The following CCDC7 variants were observed in gnomAD, a reference collection of about 807,000 sequenced individuals.
The protein encoded by CCDC7 is coiled-coil domain containing 7.
Under a neutral mutation model 196.9 loss-of-function variants are expected in CCDC7, and 183 were observed. The observed-to-expected ratio is 0.93, with a 90% CI of 0.82 to 1.05. The LOEUF (loss-of-function observed/expected upper bound fraction) is 1.05. CCDC7 is among the 50% of genes least tolerant of loss of function. The pLI is 0.00. For synonymous variants in CCDC7, 525 were observed against 484.6 expected (o/e 1.08, Z -1.10); for missense variants, 1,540 against 1,482.2 (o/e 1.04, Z -0.64).
At chr10:32,572,866 CTTTTT>C (rs576270039) in intron 16 of CCDC7, among the ~76,000 whole-genome samples, 26 of 90,384 alleles carry the variant, frequency 2.9e-4, no homozygotes, top group East Asian at 2.3e-3. Flanking sequence ...AAGCATGGTG[CTTTTT>C]TTTTTTTTTT....
At chr10:32,577,375 A>G (rs529783605) in intron 16 of CCDC7, among the ~76,000 whole-genome samples, 88 of 152,128 alleles carry the variant, frequency 5.8e-4, no homozygotes, top group Middle Eastern at 3.4e-3. Context: ...TAAAATAAAG[A>G]GTTCTGTCCT....
intron 28 of CCDC7, among the ~76,000 whole-genome samples, chr10:32,754,830 C>T (rs370027188): frequency 6.6e-6 from 1 of 152,102 alleles, no homozygotes; most frequent in Non-Finnish European, 1.5e-5. Flanking sequence ...ACTGCCTCAC[C>T]CAGGAAGTGC....
chr10:32,700,533 T>G (rs564218939), intron 24 of CCDC7, among the ~76,000 whole-genome samples: 3 of 152,330 alleles, frequency 2.0e-5, no homozygotes, highest in Middle Eastern at 6.8e-3. Context: ...GACTTGGCGA[T>G]GCGGGCTCCT....
At chr10:32,693,999 A>G (rs989171085) in intron 23 of CCDC7, among the ~76,000 whole-genome samples, 1 of 152,232 alleles carries the variant, frequency 6.6e-6, no homozygotes, top group African/African-American at 2.4e-5. Context: ...AAAAATTCAT[A>G]TACAATAATT....
At chr10:32,827,111 A>G (rs11009104) in intron 32 of CCDC7, among the ~76,000 whole-genome samples, 14,969 of 152,256 alleles carry the variant, frequency 0.098, 1,014 homozygotes, top group East Asian at 0.33. Context: ...AGGATGACCC[A>G]TTCTGTGGAC....
intron 5 of CCDC7, among the ~76,000 whole-genome samples, chr10:32,467,509 T>G (rs2037084467): frequency 6.6e-6 from 1 of 152,216 alleles, no homozygotes; most frequent in Non-Finnish European, 1.5e-5. Flanking sequence ...GTGAATGGTT[T>G]GCAAATGTTT....
intron 21 of CCDC7, among the ~76,000 whole-genome samples, chr10:32,667,329 C>G (rs2073007796): frequency 1.3e-5 from 2 of 152,168 alleles, no homozygotes; most frequent in Admixed American, 6.5e-5. Context: ...TGCCTGTTCA[C>G]TCTGATGGTA....
intron 18 of CCDC7, among the ~76,000 whole-genome samples, chr10:32,624,669 C>A (rs891283629): frequency 6.6e-6 from 1 of 152,046 alleles, no homozygotes. Flanking sequence ...TTCCATAAGG[C>A]TTTGGAGTCC....
intron 28 of CCDC7, among the ~76,000 whole-genome samples, chr10:32,734,504 TG>T (rs894038575): frequency 3.3e-5 from 5 of 152,158 alleles, no homozygotes; most frequent in Non-Finnish European, 7.4e-5. Context: ...GCTTAATACC[TG>T]GGTGATGAAA....
intron 9 of CCDC7, among the ~76,000 whole-genome samples, chr10:32,502,524 C>A (rs1383436818): frequency 6.6e-6 from 1 of 152,056 alleles, no homozygotes; most frequent in East Asian, 1.9e-4. Flanking sequence ...TTGGCTGTAT[C>A]TGTTTTGATG....
chr10:32,874,297 A>G (rs560027402), intron 41 of CCDC7, among the ~76,000 whole-genome samples: 27 of 151,702 alleles, frequency 1.8e-4, no homozygotes, highest in African/African-American at 6.5e-4. Context: ...TTTTACTTCA[A>G]TAGCTTTGTG....
chr10:32,451,976 A>C (rs74740427), intron 1 of CCDC7, 55 bp downstream of exon 2: 139,607 of 1,542,514 alleles, frequency 0.091, 6,814 homozygotes, highest in East Asian at 0.16. Flanking sequence ...CCCCAGGTTT[A>C]GTGATGTGCT....
chr10:32,676,811 G>A lies in CCDC7; in HGVS notation c.2123-9159G>A, dbSNP rs1360403875. Among the ~76,000 whole-genome samples, 3 of 152,282 alleles carry A rather than the reference G, an allele frequency of 2.0e-5. No individual in the cohort carries two copies. The East Asian group carries it at 5.8e-4, about 29-fold the overall frequency. On this transcript the variant is annotated intron_variant, in intron 21 of 41. Coordinates refer to ENST00000639629, the Ensembl canonical transcript of CCDC7. ...TTCACCCATTGTGGAAGGCAGTGTG[G>A]CGATTCCTCAGGGATCTAGAACTAG...
At chr10:32,568,006 G>C in intron 15 of CCDC7, 115 bp downstream of exon 16, 1 of 598,200 alleles carries the variant, frequency 1.7e-6, no homozygotes, top group Non-Finnish European at 2.2e-6. Context: ...CTGTTTTTGG[G>C]TTTTTTTTTT....
At chr10:32,818,193 T>C (rs1308562033) in intron 31 of CCDC7, among the ~76,000 whole-genome samples, 2 of 152,084 alleles carry the variant, frequency 1.3e-5, no homozygotes, top group African/African-American at 4.8e-5. Flanking sequence ...CAATCCTAGT[T>C]TCTGATAAAA....
intron 11 of CCDC7, among the ~76,000 whole-genome samples, chr10:32,542,222 T>C (rs928369557): frequency 6.6e-6 from 1 of 152,212 alleles, no homozygotes; most frequent in Non-Finnish European, 1.5e-5. Context: ...TAAAACCTGA[T>C]TAGTTCTGCT....
chr10:32,471,178 C>A, exon 6 of CCDC7: 1 of 1,611,916 alleles, frequency 6.2e-7, no homozygotes, highest in South Asian at 1.1e-5. Context: ...ACTGAAGAAT[C>A]GCCTTAAACA....
At chr10:32,530,962 C>T (rs189973002) in intron 11 of CCDC7, among the ~76,000 whole-genome samples, 5 of 152,068 alleles carry the variant, frequency 3.3e-5, no homozygotes, top group Non-Finnish European at 7.4e-5. Context: ...GGGTTTTTAT[C>T]GTAAAGGATG....
chr10:32,823,828 A>T (rs986589149), intron 31 of CCDC7, among the ~76,000 whole-genome samples: 2 of 152,214 alleles, frequency 1.3e-5, no homozygotes, highest in African/African-American at 4.8e-5. Flanking sequence ...ATACAATCCT[A>T]AGGCTAGTAC....
Sources: gnomAD v4.1 joint callset for allele counts (sites outside exome capture counted in the v4.1 genomes callset) on GRCh38, gnomAD v4.1.1 for gene constraint, MANE v1.5 for transcripts, NCBI Gene and HGNC (gene_info 2026-07-23, HGNC 2026-07-21) for gene names.